ROBO2: variants seen among roughly 807,000 people sequenced by gnomAD.
ROBO2 encodes roundabout guidance receptor 2, also known as roundabout homolog 2.
Under a neutral mutation model 160.8 loss-of-function variants are expected in ROBO2, and 53 were observed. The observed-to-expected ratio is 0.33, with a 90% CI of 0.26 to 0.41. ROBO2 has a LOEUF of 0.41. Among genes scored for constraint, ROBO2 ranks in the 10% least tolerant of loss-of-function variants. The pLI is 1.00. For synonymous variants in ROBO2, 664 were observed against 611.7 expected (o/e 1.09, Z -1.26); for missense variants, 1,577 against 1,722.4 (o/e 0.92, Z 1.49).
intron 2 of ROBO2, among the ~76,000 whole-genome samples, chr3:76,056,890 G>T (rs2067867133): frequency 6.6e-6 from 1 of 152,014 alleles, no homozygotes; most frequent in South Asian, 2.1e-4. Context: ...TTAATAGTAT[G>T]CAGTTTCAAT....
intron 2 of ROBO2, among the ~76,000 whole-genome samples, chr3:77,159,627 C>T (rs2078312970): frequency 1.3e-5 from 2 of 152,030 alleles, no homozygotes; most frequent in Non-Finnish European, 2.9e-5. Flanking sequence ...TCTACCTGTC[C>T]AAATTGAAGG....
chr3:77,337,684 T>C (rs146968674), intron 2 of ROBO2, among the ~76,000 whole-genome samples: 1 of 152,254 alleles, frequency 6.6e-6, no homozygotes, highest in African/African-American at 2.4e-5. Context: ...ACATAAAACA[T>C]TAAATGAGAA....
chr3:77,057,279 G>A (rs2065848754), intron 1 of ROBO2, among the ~76,000 whole-genome samples: 2 of 152,132 alleles, frequency 1.3e-5, no homozygotes, highest in South Asian at 4.1e-4. Flanking sequence ...CTTGGACACA[G>A]GGTGGGGAAC....
At chr3:77,406,258 A>C (rs144150120) in intron 2 of ROBO2, among the ~76,000 whole-genome samples, 20 of 152,166 alleles carry the variant, frequency 1.3e-4, no homozygotes, top group Non-Finnish European at 2.9e-4. Context: ...CCACCCCCAT[A>C]ATCCGGTCAC....
At chr3:76,645,886 T>G (rs1232339743) in intron 2 of ROBO2, among the ~76,000 whole-genome samples, 1 of 152,164 alleles carries the variant, frequency 6.6e-6, no homozygotes, top group Non-Finnish European at 1.5e-5. Context: ...TCACAAGTCA[T>G]GTATTGTGTA....
chr3:76,477,575 A>G (rs1042517675), intron 2 of ROBO2, among the ~76,000 whole-genome samples: 1 of 152,166 alleles, frequency 6.6e-6, no homozygotes, highest in Non-Finnish European at 1.5e-5. Flanking sequence ...AGTTTCTCTG[A>G]CAAGTTAACT....
At chr3:76,922,040 G>A (rs555918267) in intron 2 of ROBO2, among the ~76,000 whole-genome samples, 3 of 152,140 alleles carry the variant, frequency 2.0e-5, no homozygotes, top group East Asian at 1.9e-4. Flanking sequence ...GGCCAGGCGC[G>A]ATGGTTCATG....
chr3:76,393,706 G>C (rs1165446498), intron 2 of ROBO2, among the ~76,000 whole-genome samples: 1 of 152,174 alleles, frequency 6.6e-6, no homozygotes, highest in Admixed American at 6.6e-5. Flanking sequence ...CTGAGAAAGT[G>C]AAGCTGGGAG....
At chr3:75,910,893 G>A (rs150669266) in intron 1 of ROBO2, among the ~76,000 whole-genome samples, 1,836 of 151,890 alleles carry the variant, frequency 0.012, 14 homozygotes, top group Non-Finnish European at 0.021. Context: ...GTTGAACTAT[G>A]TTTTTAAATG....
At chr3:76,386,234 C>T (rs921820970) in intron 2 of ROBO2, among the ~76,000 whole-genome samples, 30 of 151,916 alleles carry the variant, frequency 2.0e-4, no homozygotes, top group African/African-American at 7.0e-4. Context: ...ATTAGTTTCA[C>T]CTATGCTCAG....
At chr3:77,002,973 C>T (rs1245563896) in intron 2 of ROBO2, among the ~76,000 whole-genome samples, 2 of 129,998 alleles carry the variant, frequency 1.5e-5, no homozygotes, top group East Asian at 3.4e-4. Flanking sequence ...TCAGAAATCT[C>T]CCTAAGTCTT....
chr3:77,432,042 A>T (rs1391126407), intron 2 of ROBO2, among the ~76,000 whole-genome samples: 1 of 152,066 alleles, frequency 6.6e-6, no homozygotes, highest in Non-Finnish European at 1.5e-5. Context: ...AGGCTGAGCA[A>T]TTTTCTCTGC....
intron 13 of ROBO2, 56 bp downstream of exon 14, chr3:77,568,490 C>A: frequency 1.3e-6 from 2 of 1,599,632 alleles, no homozygotes; most frequent in Non-Finnish European, 1.7e-6. Flanking sequence ...GAAAGCAAAA[C>A]ATGGAAAATG....
chr3:77,193,188 G>A (rs917463436), intron 2 of ROBO2, among the ~76,000 whole-genome samples: 8 of 151,752 alleles, frequency 5.3e-5, no homozygotes, highest in African/African-American at 1.9e-4. Context: ...CACGTCCCAG[G>A]CGAAGTCCTA....
chr3:76,504,170 A>G (rs2080641088), intron 2 of ROBO2, among the ~76,000 whole-genome samples: 1 of 152,218 alleles, frequency 6.6e-6, no homozygotes, highest in Non-Finnish European at 1.5e-5. Context: ...TTGTTTTACA[A>G]TGTTTGGCCA....
At chr3:76,767,559 T>C (rs1454460965) in intron 2 of ROBO2, among the ~76,000 whole-genome samples, 3 of 151,580 alleles carry the variant, frequency 2.0e-5, no homozygotes, top group Non-Finnish European at 3.0e-5. Context: ...AATAAATATA[T>C]TCTGTATCTT....
chr3:76,227,422 A>T (rs1292539441), intron 2 of ROBO2, among the ~76,000 whole-genome samples: 1 of 152,150 alleles, frequency 6.6e-6, no homozygotes, highest in Non-Finnish European at 1.5e-5. Flanking sequence ...TTTGTGATTA[A>T]TTTTGATTAT....
chr3:77,153,732 G>A (rs1158938305), intron 2 of ROBO2, among the ~76,000 whole-genome samples: 2 of 151,978 alleles, frequency 1.3e-5, no homozygotes, highest in Non-Finnish European at 2.9e-5. Flanking sequence ...CATTTTCATG[G>A]TATAAATGAC....
At chr3:76,923,335 T>C (rs928835753) in intron 2 of ROBO2, among the ~76,000 whole-genome samples, 5 of 152,234 alleles carry the variant, frequency 3.3e-5, no homozygotes, top group Admixed American at 3.3e-4. Flanking sequence ...AAAGCTGATC[T>C]CTTTATGTGT....
Sources: gnomAD v4.1 joint callset for allele counts (sites outside exome capture counted in the v4.1 genomes callset) on GRCh38, gnomAD v4.1.1 for gene constraint, MANE v1.5 for transcripts, NCBI Gene and HGNC (gene_info 2026-07-23, HGNC 2026-07-21) for gene names.